Variants in GEN1 observed in about 807,000 individuals in gnomAD.
The protein encoded by GEN1 is flap endonuclease GEN homolog 1.
Under a neutral mutation model 67.6 loss-of-function variants are expected in GEN1, and 64 were observed. That is an observed-to-expected ratio of 0.95 (90% CI 0.77 to 1.17). GEN1 has a LOEUF of 1.17. Among genes scored for constraint, GEN1 ranks in the 50% most tolerant of loss-of-function variants. The pLI is 0.00. For synonymous variants in GEN1, 371 were observed against 359.4 expected, an observed-to-expected ratio of 1.03 and a Z score of -0.37; for missense variants, 1,058 against 1,048.3, an observed-to-expected ratio of 1.01 and a Z score of -0.13.
intron 1 of GEN1, chr2:17,755,795 A>C (rs869312588): frequency 2.6e-5 from 4 of 152,160 alleles, no homozygotes; most frequent in African/African-American, 9.7e-5. Context: ...TTTAAATTTG[A>C]TTCATTAGTG....
rs957246927 is a variant in GEN1 at position 17,785,924 on chromosome 2, A to ATT, written c.*3985_*3986insTT. On this transcript the variant is annotated 3_prime_UTR_variant, in exon 14 of 14. Coordinates refer to ENST00000381254, the MANE Select transcript of GEN1 (RefSeq NM_001130009.3). ...TAAAATTTAAATTAAAAAAAAATAT[A>ATT]CAATCTCCGTCTTCTAGATTTTATA... 1 of 152,162 alleles carries ATT rather than the reference A, an allele frequency of 6.6e-6. No individual in the cohort carries two copies. 9.4% of individuals were successfully genotyped at this position (152,162 alleles called of 1,614,324 possible).
In GEN1 at chr2:17,784,535, T is replaced by A. The variant is rs1239018557; in HGVS notation, c.*2596T>A. 3 of 152,224 alleles carry A rather than the reference T, an allele frequency of 2.0e-5. No homozygotes were observed. The highest frequency in any genetic ancestry group is 7.2e-5 in the African/African-American group (3 of 41,460). The allele number at this position is 152,224 out of a possible 1,614,324, so 9.4% of individuals were successfully genotyped here. A position where few individuals can be genotyped will look rare whatever the true frequency, so the allele number is the denominator to read the frequency against. Reference sequence around the variant, plus strand: ...CAAATGTCCATAGCAGCGTTATTCATAATAGCCTAAAAGTGGAAACAATCC... The same window carrying A: ...CAAATGTCCATAGCAGCGTTATTCAAAATAGCCTAAAAGTGGAAACAATCC... On this transcript the variant is annotated 3_prime_UTR_variant, in exon 14 of 14. Transcript: ENST00000381254.
chr2:17,759,995 C>G lies in GEN1; in HGVS notation c.52C>G (p.Pro18Ala). Residue 18 changes from proline (P) to alanine (A), a missense_variant, in exon 2 of 14, where the codon CCC becomes GCC. Coordinates refer to ENST00000381254, the MANE Select transcript of GEN1 (RefSeq NM_001130009.3). ...QILEPVKQHI[P>A]LRNLGGKTIA... Reference sequence around the variant, plus strand: ...TTTGGAGCCTGTTAAGCAACACATCCCCTTGCGTAATCTTGGTGGGAAAAC... The same window carrying G: ...TTTGGAGCCTGTTAAGCAACACATCGCCTTGCGTAATCTTGGTGGGAAAAC... 5.6e-6 allele frequency: 9 copies of G among 1,613,920 alleles called. No homozygotes were observed. Among genetic ancestry groups the G allele is most frequent in the Non-Finnish European group, 7.6e-6 (9 of 1,179,952 alleles).
Position 17,774,659 on chromosome 2 carries a change from A to G in GEN1, c.1202+258A>G, listed in dbSNP as rs571983998. On this transcript the variant is annotated intron_variant, in intron 11 of 13. Transcript: ENST00000381254. ...GGATATAGCCAGGCTTTATAAGACAACTATTTCAGTGGACCAGAAAAGGAA... is the reference window on the plus strand; with the variant it reads ...GGATATAGCCAGGCTTTATAAGACAGCTATTTCAGTGGACCAGAAAAGGAA... Among the ~76,000 whole-genome samples, 10 of 152,300 alleles carry G rather than the reference A, an allele frequency of 6.6e-5. No individual in the cohort carries two copies. The East Asian group carries it at 1.5e-3, about 23-fold the overall frequency.
intron 6 of GEN1, among the ~76,000 whole-genome samples, chr2:17,769,886 G>C (rs1672106737): frequency 6.6e-6 from 1 of 152,156 alleles, no homozygotes; most frequent in Non-Finnish European, 1.5e-5. Flanking sequence ...TTGGCCTCCA[G>C]CAGGTTCGAG....
chr2:17,773,426 C>A, intron 10 of GEN1, 127 bp downstream of exon 10: 1 of 603,806 alleles, frequency 1.7e-6, no homozygotes. Context: ...ATTTTTTCAG[C>A]ATTTATTTCT....
chr2:17,763,493 T>C (rs1671777562), intron 3 of GEN1, among the ~76,000 whole-genome samples: 1 of 152,246 alleles, frequency 6.6e-6, no homozygotes, highest in African/African-American at 2.4e-5. Context: ...GTCATTTTTA[T>C]ATTTCTGTAC....
At chr2:17,767,188 T>G (rs527557916) in intron 5 of GEN1, among the ~76,000 whole-genome samples, 1 of 152,344 alleles carries the variant, frequency 6.6e-6, no homozygotes, top group South Asian at 2.1e-4. Flanking sequence ...TATTTGTATC[T>G]TAAGATGCAC....
intron 11 of GEN1, among the ~76,000 whole-genome samples, chr2:17,777,406 C>G (rs1357775895): frequency 6.6e-6 from 1 of 152,124 alleles, no homozygotes; most frequent in African/African-American, 2.4e-5. Flanking sequence ...TAATCTCTGT[C>G]TTCCAAACCA....
chr2:17,764,324 G>A (rs1270431753), intron 3 of GEN1, among the ~76,000 whole-genome samples: 1 of 152,130 alleles, frequency 6.6e-6, no homozygotes, highest in Non-Finnish European at 1.5e-5. Context: ...TACGCGTATT[G>A]GGTTGACCAT....
chr2:17,753,595 G>A (rs1558389575), upstream of GEN1: 1 of 152,322 alleles, frequency 6.6e-6, no homozygotes, highest in Non-Finnish European at 1.5e-5. Flanking sequence ...CCCGGAGCAA[G>A]GGAAAGCGAC....
chr2:17,775,957 A>T (rs1397657269), intron 11 of GEN1, among the ~76,000 whole-genome samples: 1 of 152,014 alleles, frequency 6.6e-6, no homozygotes, highest in Non-Finnish European at 1.5e-5. Context: ...TCTTCCAAAA[A>T]TACAAAAAAT....
chr2:17,764,772 TATCG>T, intron 3 of GEN1, 121 bp from the exon 4 acceptor site: 4 of 826,440 alleles, frequency 4.8e-6, no homozygotes, highest in Non-Finnish European at 7.1e-6. Flanking sequence ...GTTTCTTAAA[TATCG>T]TAATTTTTAA....
chr2:17,766,272 ATTC>A (rs1317010686), intron 4 of GEN1, among the ~76,000 whole-genome samples: 2 of 152,184 alleles, frequency 1.3e-5, no homozygotes, highest in African/African-American at 4.8e-5. Flanking sequence ...GCTTCAAGTA[ATTC>A]TTGTGCCTCA....
chr2:17,778,283 C>CATGTATGTATAT lies in GEN1; in HGVS notation c.1264+221_1264+222insTGTATGTATATA, dbSNP rs1558409094. ...ATATGTGTGTACATATATGTATATA[C>CATGTATGTATAT]ACACACATGTGTGTGTACATATATG... is the stretch of plus-strand genomic sequence containing the variant. On this transcript the variant is annotated intron_variant, in intron 12 of 13. Transcript: ENST00000381254. Among the ~76,000 whole-genome samples the CATGTATGTATAT allele has an allele frequency of 3.5e-5, 4 of 114,418 alleles. 1 individual carries two copies. The highest frequency in any genetic ancestry group is 1.8e-4 in the African/African-American group (4 of 22,032). 75.1% of individuals were successfully genotyped at this position (114,418 alleles called of 152,430 possible).
At chr2:17,760,763 TAAA>T (rs1394682401) in intron 2 of GEN1, among the ~76,000 whole-genome samples, 1 of 150,224 alleles carries the variant, frequency 6.7e-6, no homozygotes, top group East Asian at 1.9e-4. Flanking sequence ...CTACTAAAAA[TAAA>T]AAAAAATTAG....
At position 17,772,662 on chromosome 2, in the gene GEN1, A is replaced by T. The variant is rs1255608325; in HGVS notation, c.831A>T (p.Gly277=). ...CACCTAAGGATCATGAACGTAATGG[A>T]TGCAGATTATGTAAAAGTGATAAAT... is the stretch of plus-strand genomic sequence containing the variant. The part of the protein sequence containing the change: ...PGSPKDHERN[G]CRLCKSDKYC... The change falls in exon 8 of 14, where the codon GGA becomes GGT. Residue 277 remains glycine (G), a synonymous_variant. Coordinates refer to ENST00000381254, the MANE Select transcript of GEN1 (RefSeq NM_001130009.3). The T allele has an allele frequency of 3.7e-6, 6 of 1,611,510 alleles. No individual in the cohort carries two copies. Among genetic ancestry groups the T allele is most frequent in the Non-Finnish European group, 5.1e-6 (6 of 1,178,604 alleles).
Position 17,773,262 on chromosome 2 carries a change from T to G in GEN1, c.1034T>G (p.Val345Gly), listed in dbSNP as rs1672278038. Residue 345 changes from valine to glycine, a missense_variant, in exon 10 of 14, where the codon GTT (valine) becomes GGT (glycine). Transcript: ENST00000381254. ...TTAAACAAGGATAAATTGGTGAAGG[T>G]TATCAGGTACCAAAGACCTGATTTG... ...FLLNKDKLVK[V>G]IRYQRPDLLL... 6.2e-7 allele frequency: 1 copy of G among 1,602,324 alleles called. No homozygotes were observed. Among genetic ancestry groups the G allele is most frequent in the South Asian group, 1.1e-5 (1 of 90,122 alleles).
rs746727670 is a variant in GEN1, at chr2:17,760,048, G to GCAGT, written c.105_106insCAGT (p.Cys36GlnfsTer3). The GCAGT allele has an allele frequency of 1.2e-6, 2 of 1,614,128 alleles. No homozygotes were observed. Among genetic ancestry groups the GCAGT allele is most frequent in the Non-Finnish European group, 8.5e-7 (1 of 1,180,024 alleles). On this transcript the variant is annotated frameshift_variant, in exon 2 of 14. Coordinates refer to ENST00000381254, the MANE Select transcript of GEN1 (RefSeq NM_001130009.3). LOFTEE classifies it high-confidence loss of function. ...TTGCAGTTGATCTGAGTCTCTGGGT[G>GCAGT]TGTGAGGCACAGACAGTCAAAAAAA...
Sources: gnomAD v4.1 joint callset for allele counts (sites outside exome capture counted in the v4.1 genomes callset) on GRCh38, gnomAD v4.1.1 for gene constraint, MANE v1.5 for transcripts, NCBI Gene and HGNC (gene_info 2026-07-23, HGNC 2026-07-21) for gene names.